Variants in NPR3 observed in about 807,000 individuals in gnomAD.
NPR3 encodes atrial natriuretic peptide receptor 3.
Under a neutral mutation model 54.5 loss-of-function variants are expected in NPR3, and 34 were observed. That is an observed-to-expected ratio of 0.62 (90% confidence interval 0.47 to 0.83). The LOEUF (loss-of-function observed/expected upper bound fraction) is 0.83, where lower values mean the gene tolerates loss of function less well. NPR3 is among the 40% of genes least tolerant of loss of function. The probability of loss-of-function intolerance (pLI) is 0.00; values close to 1 mark genes in which losing one functional copy is unlikely to be tolerated. For synonymous variants in NPR3, 289 were observed against 297.1 expected, an observed-to-expected ratio of 0.97 and a Z score of 0.28; for missense variants, 674 against 720.8, an observed-to-expected ratio of 0.94 and a Z score of 0.74.
intron 3 of NPR3, among the ~76,000 whole-genome samples, chr5:32,761,323 C>T (rs11749888): frequency 0.14 from 20,800 of 152,006 alleles, 1,520 homozygotes; most frequent in South Asian, 0.21. Flanking sequence ...ACATGAGATA[C>T]TCCTCCATTT....
chr5:32,739,373 T>C (rs1221703182), intron 3 of NPR3, among the ~76,000 whole-genome samples: 1 of 152,086 alleles, frequency 6.6e-6, no homozygotes, highest in Admixed American at 6.6e-5. Context: ...AAGAGGGTTT[T>C]GGGGGAGAAG....
chr5:32,728,465 GA>G (rs11404168), intron 2 of NPR3, among the ~76,000 whole-genome samples: 35 of 137,444 alleles, frequency 2.5e-4, no homozygotes, highest in African/African-American at 8.4e-4. Flanking sequence ...CTCTATCTCA[GA>G]AAAAAAAAAA....
At chr5:32,774,986 T>C in intron 4 of NPR3, 143 bp downstream of exon 4, 1 of 677,508 alleles carries the variant, frequency 1.5e-6, no homozygotes. Context: ...ATAGGCTTGT[T>C]GTACCAATTA....
chr5:32,695,440 T>TAGTAGAGACGTC lies in NPR3; in HGVS notation c.100+6254_100+6255insAGTAGAGACGTC, dbSNP rs1288310704. On this transcript the variant is annotated intron_variant, in intron 1 of 5. Transcript: ENST00000509104. ...CCACCACGCCCGCCCGGCTAATTTT[T>TAGTAGAGACGTC]TGTACTTTTAGTAGAGACGGAGTTT... is the stretch of plus-strand genomic sequence containing the variant. 3.9e-5 allele frequency among the ~76,000 whole-genome samples: 6 copies of TAGTAGAGACGTC among 152,154 alleles called. No homozygotes were observed. The East Asian group carries it at 1.2e-3, about 29-fold the overall frequency.
rs1032015958 is a variant in NPR3, at chr5:32,790,914, A to C, written c.*4569A>C. On this transcript the variant is annotated 3_prime_UTR_variant, in exon 8 of 8. Coordinates refer to ENST00000265074, the MANE Select transcript of NPR3 (RefSeq NM_001204375.2). ...AACAAGCAGAATTAAGTGTTAGCAA[A>C]AATGCTGCATTGCTTTGATTCATGT... The C allele has an allele frequency of 1.2e-5, 2 of 167,052 alleles. No individual in the cohort carries two copies. The highest frequency in any genetic ancestry group is 6.5e-5 in the Admixed American group (1 of 15,276). 10.3% of individuals were successfully genotyped at this position (167,052 alleles called of 1,614,324 possible).
At chr5:32,718,708 G>T (rs1005039272) in intron 1 of NPR3, among the ~76,000 whole-genome samples, 1 of 152,170 alleles carries the variant, frequency 6.6e-6, no homozygotes, top group Non-Finnish European at 1.5e-5. Context: ...TGTATCCTGA[G>T]ACTTTGCTGA....
At chr5:32,740,622 C>G (rs1033082911) in intron 3 of NPR3, among the ~76,000 whole-genome samples, 1 of 151,582 alleles carries the variant, frequency 6.6e-6, no homozygotes, top group East Asian at 1.9e-4. Flanking sequence ...AAAAAAACCC[C>G]AGGTGAAGTT....
chr5:32,784,658 G>A, intron 6 of NPR3, 138 bp from the exon 7 acceptor site: 1 of 651,568 alleles, frequency 1.5e-6, no homozygotes, highest in Non-Finnish European at 2.7e-6. Context: ...CAAGTGTAGG[G>A]TCCCTTAGAA....
rs1386435268 is a variant in NPR3 at position 32,789,855 on chromosome 5, G to T, written c.*3510G>T. Reference sequence around the variant, plus strand: ...AGCCAGTATACACTGGCTATTTGTGGAAATCTCTTTGGGAGATCAAATAGA... The same window carrying T: ...AGCCAGTATACACTGGCTATTTGTGTAAATCTCTTTGGGAGATCAAATAGA... On this transcript the variant is annotated 3_prime_UTR_variant, in exon 8 of 8. Transcript: ENST00000265074. The T allele has an allele frequency of 2.2e-6, 1 of 446,292 alleles. No homozygotes were observed. Among genetic ancestry groups the T allele is most frequent in the Non-Finnish European group, 4.5e-6 (1 of 220,846 alleles). 27.6% of individuals were successfully genotyped at this position (446,292 alleles called of 1,614,324 possible).
intron 1 of NPR3, among the ~76,000 whole-genome samples, chr5:32,695,405 C>T (rs1740499902): frequency 6.6e-6 from 1 of 152,198 alleles, no homozygotes; most frequent in Non-Finnish European, 1.5e-5. Context: ...GCTGGGACTA[C>T]AGGTGCCCGC....
intron 1 of NPR3, among the ~76,000 whole-genome samples, chr5:32,722,849 ATTAT>A (rs762164889): frequency 2.0e-5 from 3 of 152,224 alleles, no homozygotes; most frequent in Non-Finnish European, 4.4e-5. Context: ...CTTGGAATTG[ATTAT>A]TTATTCCAAA....
intron 2 of NPR3, among the ~76,000 whole-genome samples, chr5:32,732,012 C>T (rs1239134130): frequency 2.6e-5 from 4 of 151,940 alleles, no homozygotes; most frequent in East Asian, 1.9e-4. Context: ...GAGGCCAAGG[C>T]GGGTGGATCA....
intron 2 of NPR3, among the ~76,000 whole-genome samples, chr5:32,738,527 A>G (rs1739870435): frequency 6.6e-6 from 1 of 152,216 alleles, no homozygotes; most frequent in South Asian, 2.1e-4. Flanking sequence ...AGAAGTATGA[A>G]TGGCAAGGAA....
At chr5:32,743,696 G>A (rs140102169) in intron 3 of NPR3, among the ~76,000 whole-genome samples, 116 of 152,248 alleles carry the variant, frequency 7.6e-4, no homozygotes, top group African/African-American at 2.7e-3. Flanking sequence ...TTTTCAGGCT[G>A]GGTTGTCTCA....
intron 1 of NPR3, among the ~76,000 whole-genome samples, chr5:32,713,990 C>A (rs1738407262): frequency 2.0e-5 from 3 of 152,208 alleles, no homozygotes; most frequent in Admixed American, 2.0e-4. Context: ...GGACTTGCCA[C>A]GCCTGCCACG....
At chr5:32,697,025 T>A (rs1393464135) in intron 1 of NPR3, among the ~76,000 whole-genome samples, 1 of 152,174 alleles carries the variant, frequency 6.6e-6, no homozygotes, top group African/African-American at 2.4e-5. Flanking sequence ...AGTACTATGT[T>A]TAATAACAGT....
At chr5:32,770,082 C>T (rs1050596709) in intron 3 of NPR3, among the ~76,000 whole-genome samples, 8 of 152,022 alleles carry the variant, frequency 5.3e-5, no homozygotes, top group African/African-American at 1.7e-4. Flanking sequence ...AGAGGAAGGC[C>T]GGGGCAAAAC....
intron 1 of NPR3, among the ~76,000 whole-genome samples, chr5:32,701,999 A>G (rs1737820317): frequency 6.6e-6 from 1 of 152,188 alleles, no homozygotes; most frequent in South Asian, 2.1e-4. Flanking sequence ...AGCAGTGGGT[A>G]TTGCCCAAGG....
chr5:32,702,623 A>G (rs368859725), intron 1 of NPR3, among the ~76,000 whole-genome samples: 2 of 152,076 alleles, frequency 1.3e-5, no homozygotes, highest in African/African-American at 2.4e-5. Flanking sequence ...AGTATTCCAT[A>G]GTGTATATGT....
Sources: allele counts gnomAD v4.1 joint callset (sites outside exome capture counted in the v4.1 genomes callset), GRCh38; gene constraint gnomAD v4.1.1; transcripts MANE v1.5; gene names NCBI Gene and HGNC (gene_info 2026-07-23, HGNC 2026-07-21).